BTBD1: variants seen among roughly 807,000 people sequenced by gnomAD.
BTBD1 encodes BTB domain containing 1, also known as BTB/POZ domain-containing protein 1.
A neutral mutation model predicts 48.0 loss-of-function variants in BTBD1; 34 were observed. That is an observed-to-expected ratio of 0.71 (90% CI 0.54 to 0.94). BTBD1 has a LOEUF of 0.94. Ranked by LOEUF, BTBD1 falls within the 40% of genes least tolerant of loss-of-function variation. The probability of loss-of-function intolerance (pLI) is 0.00; values close to 1 mark genes in which losing one functional copy is unlikely to be tolerated. For missense variants in BTBD1, 543 were observed against 625.6 expected, an observed-to-expected ratio of 0.87 and a Z score of 1.41; for synonymous variants, 261 against 242.1, an observed-to-expected ratio of 1.08 and a Z score of -0.72.
chr15:83,044,646 G>A (rs2032841281), intron 3 of BTBD1: 3 of 1,539,038 alleles, frequency 1.9e-6, no homozygotes, highest in Non-Finnish European at 2.7e-6. Context: ...TGGTGCATTG[G>A]TTCAGCATCA....
At chr15:83,041,168 GAAAAAAAA>G (rs542048466) in intron 4 of BTBD1, among the ~76,000 whole-genome samples, 2 of 104,850 alleles carry the variant, frequency 1.9e-5, no homozygotes, top group Admixed American at 1.9e-4. Flanking sequence ...AGAAAAAAAA[GAAAAAAAA>G]AAAAAGCCAA....
At chr15:83,053,238 G>A (rs549093219) in intron 2 of BTBD1, among the ~76,000 whole-genome samples, 13 of 152,242 alleles carry the variant, frequency 8.5e-5, no homozygotes, top group Middle Eastern at 3.4e-3. Flanking sequence ...TTGCTTTAGA[G>A]AGAAGCTGGC....
chr15:83,053,683 G>T (rs1234169002), intron 2 of BTBD1, among the ~76,000 whole-genome samples: 4 of 152,142 alleles, frequency 2.6e-5, no homozygotes, highest in Non-Finnish European at 5.9e-5. Flanking sequence ...AGATTTTAAT[G>T]ACAAATTCAA....
At chr15:83,027,621 G>T (rs77836682) in intron 5 of BTBD1, among the ~76,000 whole-genome samples, 3,417 of 152,282 alleles carry the variant, frequency 0.022, 57 homozygotes, top group Middle Eastern at 0.041. Flanking sequence ...AAACGTGCTG[G>T]TCTGGCAACT....
Position 83,066,822 on chromosome 15 carries a change from G to A in BTBD1, c.330C>T (p.Gly110=), listed in dbSNP as rs1325311917. ...GSAVFDAMFN[G]GMATTSAEIE... ...TCTCGGCCGACGTGGTGGCCATGCC[G>A]CCGTTGAACATGGCGTCAAAGACGG... The change falls in exon 1 of 8, where the codon GGC becomes GGT. Residue 110 remains glycine, a synonymous_variant. Transcript: ENST00000261721. 2.1e-6 allele frequency: 3 copies of A among 1,443,878 alleles called. No homozygotes were observed. Among genetic ancestry groups the A allele is most frequent in the Non-Finnish European group, 2.7e-6 (3 of 1,101,466 alleles). The allele number at this position is 1,443,878 out of a possible 1,614,324, so 89.4% of individuals were successfully genotyped here.
At chr15:83,032,194 G>T (rs183253919) in intron 4 of BTBD1, among the ~76,000 whole-genome samples, 1 of 151,960 alleles carries the variant, frequency 6.6e-6, no homozygotes, top group Non-Finnish European at 1.5e-5. Context: ...AGTGATGTGC[G>T]CCTGTAGTCC....
intron 1 of BTBD1, among the ~76,000 whole-genome samples, chr15:83,066,531 G>C (rs1018683186): frequency 1.5e-4 from 23 of 152,200 alleles, no homozygotes; most frequent in African/African-American, 5.1e-4. Flanking sequence ...GCCTAATGAA[G>C]ACACTAACGT....
chr15:83,044,766 G>A (rs902475121), intron 3 of BTBD1: 1 of 1,437,098 alleles, frequency 7.0e-7, no homozygotes, highest in Non-Finnish European at 9.7e-7. Context: ...TGAAAAAGTA[G>A]AATAAAAATT....
chr15:83,041,588 G>T (rs919919090), intron 4 of BTBD1, 140 bp downstream of exon 4: 1 of 705,660 alleles, frequency 1.4e-6, no homozygotes, highest in African/African-American at 1.8e-5. Flanking sequence ...GACAAGGCTG[G>T]TGTCGAACTC....
At chr15:83,035,202 G>A (rs1281641425) in intron 4 of BTBD1, among the ~76,000 whole-genome samples, 1 of 152,114 alleles carries the variant, frequency 6.6e-6, no homozygotes, top group African/African-American at 2.4e-5. Flanking sequence ...GCTGAGGCAG[G>A]AGAATCGTTG....
intron 2 of BTBD1, among the ~76,000 whole-genome samples, chr15:83,054,402 GAGTA>G (rs1288941031): frequency 6.6e-6 from 1 of 152,056 alleles, no homozygotes; most frequent in Non-Finnish European, 1.5e-5. Flanking sequence ...TCATAGTGAG[GAGTA>G]AGTGCCATAA....
rs931667153 is a variant in BTBD1, at chr15:83,067,244, G to T, written c.-93C>A. On this transcript the variant is annotated 5_prime_UTR_variant, in exon 1 of 8. Coordinates refer to ENST00000261721, the MANE Select transcript of BTBD1 (RefSeq NM_025238.4). The stretch of plus-strand genomic sequence containing the variant: ...GGCCGGCGCTGCCTCCCTGCCTTCC[G>T]GGAAAGGCGCTTCCGGGGGCCTCGC... The T allele has an allele frequency of 4.0e-6, 5 of 1,246,026 alleles. No homozygotes were observed. The African/African-American group carries it at 7.9e-5, about 20-fold the overall frequency. 77.2% of individuals were successfully genotyped at this position (1,246,026 alleles called of 1,614,324 possible).
chr15:83,039,811 A>C (rs570781349), intron 4 of BTBD1, among the ~76,000 whole-genome samples: 62 of 151,164 alleles, frequency 4.1e-4, no homozygotes, highest in Non-Finnish European at 2.7e-4. Context: ...ACAACCTCCC[A>C]AAAAAACCAA....
intron 4 of BTBD1, among the ~76,000 whole-genome samples, chr15:83,034,177 A>G (rs897448488): frequency 3.4e-4 from 52 of 152,148 alleles, no homozygotes; most frequent in African/African-American, 1.3e-3. Context: ...TATTCCAAAT[A>G]AAAGGCAAAG....
intron 3 of BTBD1, among the ~76,000 whole-genome samples, chr15:83,043,865 T>C (rs901020111): frequency 7.2e-5 from 11 of 152,182 alleles, no homozygotes; most frequent in African/African-American, 2.7e-4. Context: ...CATCCAAGTA[T>C]AAACGTCATG....
chr15:83,054,655 G>A (rs958482559), intron 2 of BTBD1, among the ~76,000 whole-genome samples: 16 of 149,352 alleles, frequency 1.1e-4, no homozygotes, highest in Non-Finnish European at 1.6e-4. Flanking sequence ...TCTGCCTCCC[G>A]GGTTCAAGCG....
Position 83,056,523 on chromosome 15 carries a change from G to T in BTBD1, c.424C>A (p.Gln142Lys). 6.2e-7 allele frequency: 1 copy of T among 1,613,686 alleles called. No individual in the cohort carries two copies. The highest frequency in any genetic ancestry group is 1.1e-5 in the South Asian group (1 of 91,014). Residue 142 changes from glutamine (Q) to lysine (K), a missense_variant, in exon 2 of 8, where the codon CAA (glutamine) becomes AAA (lysine). Gln to Lys is a moderately conservative substitution (Grantham distance 53). Around this residue, in one of 3 missense-constraint regions of BTBD1, gnomAD observed 70 missense variants for 111.7 expected, o/e 0.63. Coordinates refer to ENST00000261721, the MANE Select transcript of BTBD1 (RefSeq NM_025238.4). Reference sequence around the variant, plus strand: ...GTCATAACTGTTTCTGGACCAATTTGAACTTCATCTGAATATAGAAATCTG... The same window carrying T: ...GTCATAACTGTTTCTGGACCAATTTTAACTTCATCTGAATATAGAAATCTG... ...LLRFLYSDEV[Q>K]IGPETVMTTL...
intron 5 of BTBD1, among the ~76,000 whole-genome samples, chr15:83,026,047 G>A (rs1178757912): frequency 1.3e-5 from 2 of 152,166 alleles, no homozygotes; most frequent in African/African-American, 4.8e-5. Context: ...GGGATTACAG[G>A]CATGAGCCAC....
chr15:83,041,031 A>G (rs1197772263), intron 4 of BTBD1, among the ~76,000 whole-genome samples: 1 of 151,926 alleles, frequency 6.6e-6, no homozygotes, highest in African/African-American at 2.4e-5. Context: ...GTGCACCTAT[A>G]GTCCCTGCTA....
Sources: allele counts gnomAD v4.1 joint callset (sites outside exome capture counted in the v4.1 genomes callset), GRCh38; gene constraint gnomAD v4.1.1; regional missense constraint gnomAD v4.1.1; transcripts MANE v1.5; gene names NCBI Gene and HGNC (gene_info 2026-07-23, HGNC 2026-07-21).